The following PARVB variants were observed in gnomAD, a reference collection of about 807,000 sequenced individuals.
PARVB encodes the protein beta-parvin.
PARVB carries 46 observed loss-of-function variants against 47.0 expected under a neutral mutation model. The ratio of observed to expected loss-of-function variants is 0.98; its 90% CI spans 0.77 to 1.25. PARVB has a LOEUF of 1.25. Ranked by LOEUF, PARVB falls within the 50% of genes most tolerant of loss-of-function variation. PARVB has a pLI of 0.00. For synonymous variants in PARVB, 196 were observed against 196.3 expected, an observed-to-expected ratio of 1.00 and a Z score of 0.01; for missense variants, 473 against 471.6, an observed-to-expected ratio of 1.00 and a Z score of -0.03.
At chr22:44,164,223 C>G (rs2054115380) in intron 12 of PARVB, among the ~76,000 whole-genome samples, 1 of 152,224 alleles carries the variant, frequency 6.6e-6, no homozygotes, top group African/African-American at 2.4e-5. Flanking sequence ...GCCACTCAGG[C>G]TGGAAATGCA....
intron 4 of PARVB, among the ~76,000 whole-genome samples, chr22:44,131,058 T>TCCCTCCCTCCCTCCCC (rs2053301320): frequency 3.3e-5 from 1 of 29,874 alleles, no homozygotes; most frequent in Non-Finnish European, 7.0e-5. Context: ...CCTCCCTCCC[T>TCCCTCCCTCCCTCCCC]CCCTCCCTCT....
rs1409983091 is a variant in PARVB, at chr22:44,171,506, AG to A, written c.*2829del. ...TGAGACTCTGTCTCAAAAAAAAAAA[AG>A]AAAGAAAAAAGAAAAAGAAAAGAAC... On this transcript the variant is annotated 3_prime_UTR_variant, in exon 13 of 13. Coordinates refer to ENST00000338758, the MANE Select transcript of PARVB (RefSeq NM_013327.5). 1.3e-4 allele frequency: 19 copies of A among 143,872 alleles called. No homozygotes were observed. In the East Asian group the frequency reaches 2.2e-3, roughly 17 times the overall value. The allele number at this position is 143,872 out of a possible 1,614,324, so 8.9% of individuals were successfully genotyped here. A position where few individuals can be genotyped will look rare whatever the true frequency, so the allele number is the denominator to read the frequency against.
chr22:44,018,437 T>A (rs1053639939), intron 2 of PARVB, among the ~76,000 whole-genome samples: 27 of 152,118 alleles, frequency 1.8e-4, no homozygotes, highest in African/African-American at 6.5e-4. Flanking sequence ...ACATGCTCGA[T>A]GTTTCTGTGT....
In PARVB at chr22:44,163,946, C is replaced by T. The variant is rs771855984; in HGVS notation, c.1018+16C>T. On this transcript the variant is annotated intron_variant, in intron 12 of 12. Transcript: ENST00000338758. ...CGTCCTGAAGGTAATGCCCCTGGCT[C>T]AGGTTCCCCCGGGAGAGGTGCGCAC... The T allele has an allele frequency of 1.2e-6, 2 of 1,602,220 alleles. No homozygotes were observed. Among genetic ancestry groups the T allele is most frequent in the Non-Finnish European group, 1.7e-6 (2 of 1,172,862 alleles).
intron 1 of PARVB, among the ~76,000 whole-genome samples, chr22:44,092,558 A>G (rs2147041357): frequency 6.6e-6 from 1 of 152,234 alleles, no homozygotes; most frequent in African/African-American, 2.4e-5. Flanking sequence ...GTCCTTATGA[A>G]GGATGGAGGT....
rs895402245 is a variant in PARVB at position 44,171,213 on chromosome 22, T to C, written c.*2535T>C. The C allele has an allele frequency of 6.6e-6, 1 of 152,254 alleles. No individual in the cohort carries two copies. The highest frequency in any genetic ancestry group is 2.4e-5 in the African/African-American group (1 of 41,446). The allele number at this position is 152,254 out of a possible 1,614,324, so 9.4% of individuals were successfully genotyped here. On this transcript the variant is annotated 3_prime_UTR_variant, in exon 13 of 13. Coordinates refer to ENST00000338758, the MANE Select transcript of PARVB (RefSeq NM_013327.5). The stretch of plus-strand genomic sequence containing the variant: ...ATTGGGATTTGAAAAGAACAGAGCT[T>C]GGCCAGGTGCGGTGGCTCACGCCTG...
intron 8 of PARVB, chr22:44,141,923 C>T (rs947098773): frequency 1.3e-5 from 2 of 152,052 alleles, no homozygotes; most frequent in African/African-American, 2.4e-5. Context: ...GAGGCGAAAC[C>T]GCAGTGGGGT....
At chr22:44,120,139 G>A (rs1194783252) in intron 4 of PARVB, among the ~76,000 whole-genome samples, 2 of 152,318 alleles carry the variant, frequency 1.3e-5, no homozygotes, top group African/African-American at 4.8e-5. Flanking sequence ...CCGGCCGCGG[G>A]GCCTTTCTCT....
chr22:44,099,521 C>A (rs1477406763), intron 2 of PARVB, among the ~76,000 whole-genome samples: 1 of 152,076 alleles, frequency 6.6e-6, no homozygotes, highest in African/African-American at 2.4e-5. Context: ...CACATCATCC[C>A]CCCCCACCTT....
At position 44,119,220 on chromosome 22, in the gene PARVB, A is replaced by G. The variant is rs564530247; in HGVS notation, c.376+80A>G. On this transcript the variant is annotated intron_variant, in intron 4 of 12. Coordinates refer to ENST00000338758, the MANE Select transcript of PARVB (RefSeq NM_013327.5). ...TGGGCTGGGCCAGGATTCTCTGCAT[A>G]GTGACATCGGCCACAGGTCCTAGGA... is the stretch of plus-strand genomic sequence containing the variant. 41 of 964,050 alleles carry G rather than the reference A, an allele frequency of 4.3e-5. No homozygotes were observed. In the African/African-American group the frequency reaches 5.1e-4, roughly 12 times the overall value. The allele number at this position is 964,050 out of a possible 1,614,324, so 59.7% of individuals were successfully genotyped here. A position where few individuals can be genotyped will look rare whatever the true frequency, so the allele number is the denominator to read the frequency against.
In PARVB at chr22:44,066,804, C is replaced by CCTCCTCCTCCTCCTCCTCCTCCTT. The variant is rs1555898497; in HGVS notation, c.113-27106_113-27105insCTCCTTCTCCTCCTCCTCCTCCTC. Among the ~76,000 whole-genome samples the CCTCCTCCTCCTCCTCCTCCTCCTT allele has an allele frequency of 1.5e-3, 193 of 131,026 alleles. 13 individuals are homozygous for CCTCCTCCTCCTCCTCCTCCTCCTT. Among genetic ancestry groups the CCTCCTCCTCCTCCTCCTCCTCCTT allele is most frequent in the South Asian group, 0.012 (48 of 4,000 alleles). 86.0% of individuals were successfully genotyped at this position (131,026 alleles called of 152,430 possible). A position where few individuals can be genotyped will look rare whatever the true frequency, so the allele number is the denominator to read the frequency against. On this transcript the variant is annotated intron_variant, in intron 1 of 12. Coordinates refer to ENST00000338758, the MANE Select transcript of PARVB (RefSeq NM_013327.5). ...TTCTCCTCCTCCTCCTCCTCCTCCT[C>CCTCCTCCTCCTCCTCCTCCTCCTT]CTCCTCCTCCTCCTCCTCTTCCTCC...
chr22:44,097,294 A>G (rs1022337829), intron 2 of PARVB, among the ~76,000 whole-genome samples: 4 of 152,124 alleles, frequency 2.6e-5, no homozygotes, highest in Admixed American at 6.5e-5. Flanking sequence ...GACCTACCAA[A>G]TGGGAGTATG....
At chr22:44,005,466 A>G (rs1480237995) in intron 2 of PARVB, among the ~76,000 whole-genome samples, 2 of 148,782 alleles carry the variant, frequency 1.3e-5, no homozygotes, top group African/African-American at 5.0e-5. Flanking sequence ...TTCCTGTTAC[A>G]TGCTTTTCTC....
chr22:44,076,010 G>A (rs916986230), intron 1 of PARVB, among the ~76,000 whole-genome samples: 3 of 152,382 alleles, frequency 2.0e-5, no homozygotes, highest in East Asian at 1.9e-4. Flanking sequence ...CGTGGGGCAG[G>A]GGACCTGGAG....
At chr22:44,036,671 T>TAAA (rs1291960920) in intron 1 of PARVB, among the ~76,000 whole-genome samples, 1 of 152,184 alleles carries the variant, frequency 6.6e-6, no homozygotes, top group African/African-American at 2.4e-5. Flanking sequence ...ATACTTGATA[T>TAAA]ATATAAGTTT....
intron 2 of PARVB, among the ~76,000 whole-genome samples, chr22:44,004,140 A>G (rs2050440024): frequency 6.6e-6 from 1 of 152,220 alleles, no homozygotes. Flanking sequence ...TGAGAAAAAA[A>G]CAATCAAACT....
At chr22:44,024,697 G>A (rs1271779888) in intron 1 of PARVB, among the ~76,000 whole-genome samples, 4 of 152,040 alleles carry the variant, frequency 2.6e-5, no homozygotes, top group Non-Finnish European at 5.9e-5. Context: ...CCTGCGCGGC[G>A]GGGACCTCGG....
intron 1 of PARVB, among the ~76,000 whole-genome samples, chr22:44,093,535 GC>G (rs1475799207): frequency 6.6e-6 from 1 of 152,184 alleles, no homozygotes. Context: ...TCAGGACGCA[GC>G]CCCCCGGCAG....
At chr22:44,135,004 G>T (rs1199378537) in intron 6 of PARVB, among the ~76,000 whole-genome samples, 1 of 152,186 alleles carries the variant, frequency 6.6e-6, no homozygotes, top group Admixed American at 6.5e-5. Context: ...TGAGAATCAG[G>T]ATAAATGTCA....
Sources: gnomAD v4.1 joint callset for allele counts (sites outside exome capture counted in the v4.1 genomes callset) on GRCh38, gnomAD v4.1.1 for gene constraint, MANE v1.5 for transcripts, NCBI Gene and HGNC (gene_info 2026-07-23, HGNC 2026-07-21) for gene names.